The following LINGO2 variants were observed in gnomAD, a reference collection of about 807,000 sequenced individuals.
LINGO2 encodes the protein leucine rich repeat and Ig domain containing 2, also known as leucine-rich repeat and immunoglobulin-like domain-containing nogo receptor-interacting protein 2.
A neutral mutation model predicts 30.6 loss-of-function variants in LINGO2; 14 were observed. That is an observed-to-expected ratio of 0.46 (90% confidence interval 0.30 to 0.72). The LOEUF (loss-of-function observed/expected upper bound fraction) is 0.72, where lower values mean the gene tolerates loss of function less well. Ranked by LOEUF, LINGO2 falls within the 30% of genes least tolerant of loss-of-function variation. The pLI is 0.07. For synonymous variants in LINGO2, 317 were observed against 288.5 expected (o/e 1.10, Z -1.00); for missense variants, 729 against 751.7 (o/e 0.97, Z 0.35).
chr9:29,124,477 C>T, the LINGO2 span, among the ~76,000 whole-genome samples: 5 of 152,214 alleles, frequency 3.3e-5, no homozygotes, highest in East Asian at 9.7e-4. Context: ...GAACAGGCAA[C>T]CTACAGAATG....
the LINGO2 span, among the ~76,000 whole-genome samples, chr9:28,882,277 T>G: frequency 6.6e-6 from 1 of 152,210 alleles, no homozygotes; most frequent in South Asian, 2.1e-4. Context: ...CAGCATTACC[T>G]GTCTAACAGC....
At chr9:27,988,874 T>A (rs970254540) in intron 5 of LINGO2, among the ~76,000 whole-genome samples, 2 of 151,758 alleles carry the variant, frequency 1.3e-5, no homozygotes, top group African/African-American at 4.8e-5. Context: ...ATCCAATTAA[T>A]CAGCAACTTG....
intron 1 of LINGO2, among the ~76,000 whole-genome samples, chr9:28,491,795 A>C (rs916265248): frequency 2.0e-5 from 3 of 152,194 alleles, no homozygotes; most frequent in African/African-American, 7.2e-5. Flanking sequence ...AAATAAATAA[A>C]ATTGAAAGCT....
chr9:28,292,970 C>T (rs1048187197), intron 4 of LINGO2, among the ~76,000 whole-genome samples: 18 of 152,018 alleles, frequency 1.2e-4, no homozygotes, highest in Admixed American at 9.2e-4. Context: ...GACGGGGTTT[C>T]ACCATGTTAG....
At chr9:28,723,536 T>C in the LINGO2 span, among the ~76,000 whole-genome samples, 744 of 152,196 alleles carry the variant, frequency 4.9e-3, 5 homozygotes, top group African/African-American at 0.016. Context: ...AATGACATGC[T>C]CTTTGTTATG....
At chr9:28,546,142 G>T (rs1364770286) in intron 1 of LINGO2, among the ~76,000 whole-genome samples, 1 of 151,866 alleles carries the variant, frequency 6.6e-6, no homozygotes, top group East Asian at 1.9e-4. Context: ...ATTAAGGGAG[G>T]TGTGAAAAAG....
chr9:28,241,490 G>C (rs1029513817), intron 4 of LINGO2, among the ~76,000 whole-genome samples: 2 of 152,032 alleles, frequency 1.3e-5, no homozygotes, highest in South Asian at 4.1e-4. Flanking sequence ...GGGCAGTGTG[G>C]TGCAGCCGCC....
intron 4 of LINGO2, among the ~76,000 whole-genome samples, chr9:28,186,305 C>T (rs1049265016): frequency 7.9e-5 from 12 of 152,048 alleles, no homozygotes; most frequent in Admixed American, 6.6e-5. Context: ...AATGATACTA[C>T]GAGGTACAAA....
intron 1 of LINGO2, among the ~76,000 whole-genome samples, chr9:28,544,082 A>T (rs867322435): frequency 2.0e-5 from 3 of 151,980 alleles, no homozygotes; most frequent in African/African-American, 7.2e-5. Context: ...GTCTACCTGT[A>T]GTCCCAGCTG....
intron 4 of LINGO2, among the ~76,000 whole-genome samples, chr9:28,046,512 G>C (rs534332198): frequency 6.6e-6 from 1 of 152,116 alleles, no homozygotes; most frequent in Non-Finnish European, 1.5e-5. Context: ...TTGCAGTTTA[G>C]GAATACTTTT....
intron 1 of LINGO2, among the ~76,000 whole-genome samples, chr9:28,625,530 G>A (rs1826620365): frequency 6.6e-6 from 1 of 152,056 alleles, no homozygotes; most frequent in African/African-American, 2.4e-5. Context: ...CCTGCAGGGG[G>A]AATTATTGGT....
At chr9:29,055,686 C>A in the LINGO2 span, among the ~76,000 whole-genome samples, 3 of 152,044 alleles carry the variant, frequency 2.0e-5, no homozygotes, top group African/African-American at 7.2e-5. Flanking sequence ...ACACTGTAAC[C>A]AGTGGGTAGT....
intron 5 of LINGO2, among the ~76,000 whole-genome samples, chr9:27,961,262 A>C (rs189749328): frequency 6.6e-6 from 1 of 152,310 alleles, no homozygotes; most frequent in East Asian, 1.9e-4. Context: ...TAATAGGTTC[A>C]TTGGGATGTG....
chr9:28,056,958 G>T (rs1824960925), intron 4 of LINGO2, among the ~76,000 whole-genome samples: 6 of 152,134 alleles, frequency 3.9e-5, no homozygotes, highest in Admixed American at 2.6e-4. Context: ...TTAAGAGAGT[G>T]TCTTGGTTTA....
At chr9:29,147,241 A>C in the LINGO2 span, among the ~76,000 whole-genome samples, 1 of 152,172 alleles carries the variant, frequency 6.6e-6, no homozygotes, top group Non-Finnish European at 1.5e-5. Flanking sequence ...ACACACCATC[A>C]AAGCAACCTG....
intron 2 of LINGO2, among the ~76,000 whole-genome samples, chr9:28,444,490 T>A (rs1824335539): frequency 6.6e-6 from 1 of 152,144 alleles, no homozygotes; most frequent in Admixed American, 6.5e-5. Flanking sequence ...CATCAACCCA[T>A]TCACCACGCT....
chr9:28,755,640 T>C, the LINGO2 span, among the ~76,000 whole-genome samples: 1 of 152,102 alleles, frequency 6.6e-6, no homozygotes, highest in Non-Finnish European at 1.5e-5. Context: ...TCACTGGAGA[T>C]GTCATCATGG....
At chr9:28,996,603 T>C in the LINGO2 span, among the ~76,000 whole-genome samples, 1 of 152,340 alleles carries the variant, frequency 6.6e-6, no homozygotes, top group Non-Finnish European at 1.5e-5. Flanking sequence ...AAGGTATATA[T>C]AATTCTTCCT....
At chr9:28,526,239 G>C (rs1032491207) in intron 1 of LINGO2, among the ~76,000 whole-genome samples, 3 of 151,920 alleles carry the variant, frequency 2.0e-5, no homozygotes, top group Non-Finnish European at 2.9e-5. Context: ...ATCAAGACAC[G>C]TCCTAATAAA....
Sources: gnomAD v4.1 joint callset for allele counts (sites outside exome capture counted in the v4.1 genomes callset) on GRCh38, gnomAD v4.1.1 for gene constraint, MANE v1.5 for transcripts, NCBI Gene and HGNC (gene_info 2026-07-23, HGNC 2026-07-21) for gene names.